Variants in USP34 observed in about 807,000 individuals in gnomAD.
USP34 encodes the protein ubiquitin carboxyl-terminal hydrolase 34.
A neutral mutation model predicts 460.3 loss-of-function variants in USP34; 70 were observed. The observed-to-expected ratio is 0.15, with a 90% CI of 0.13 to 0.19. The LOEUF (loss-of-function observed/expected upper bound fraction) is 0.19. Ranked by LOEUF, USP34 falls within the 10% of genes least tolerant of loss-of-function variation. USP34 has a pLI of 1.00. For missense variants in USP34, 3,985 were observed against 4,236.2 expected (o/e 0.94, Z 1.65); for synonymous variants, 1,647 against 1,405.3 (o/e 1.17, Z -3.85).
At chr2:61,231,966 A>G (rs1001817379) in intron 58 of USP34, among the ~76,000 whole-genome samples, 1 of 151,672 alleles carries the variant, frequency 6.6e-6, no homozygotes, top group Non-Finnish European at 1.5e-5. Context: ...TGATTTTGTG[A>G]AAAGTGACTA....
chr2:61,300,242 A>T (rs895066784), intron 29 of USP34, among the ~76,000 whole-genome samples: 2 of 152,078 alleles, frequency 1.3e-5, no homozygotes, highest in African/African-American at 4.8e-5. Flanking sequence ...ATGACGCAAA[A>T]GGTTTACATT....
intron 1 of USP34, among the ~76,000 whole-genome samples, chr2:61,462,195 G>C (rs1467263029): frequency 6.7e-6 from 1 of 149,730 alleles, no homozygotes; most frequent in Non-Finnish European, 1.5e-5. Flanking sequence ...GCCAAGATCA[G>C]GCCATCGCAC....
intron 1 of USP34, among the ~76,000 whole-genome samples, chr2:61,452,876 C>T (rs1367380289): frequency 1.5e-5 from 2 of 136,628 alleles, no homozygotes; most frequent in African/African-American, 2.8e-5. Context: ...AGAGACAGAC[C>T]AAGACACTAT....
intron 41 of USP34, among the ~76,000 whole-genome samples, chr2:61,272,316 C>T (rs368328227): frequency 1.8e-4 from 27 of 148,850 alleles, no homozygotes; most frequent in South Asian, 4.2e-4. Context: ...GAGGCTGCAG[C>T]GGGAGAATGG....
chr2:61,354,657 GAGT>G (rs1692052186), intron 10 of USP34, among the ~76,000 whole-genome samples: 1 of 152,158 alleles, frequency 6.6e-6, no homozygotes, highest in Non-Finnish European at 1.5e-5. Context: ...GAGCCGAAAA[GAGT>G]AGCTTTTTTT....
chr2:61,249,474 T>A (rs1572870629), intron 48 of USP34, among the ~76,000 whole-genome samples: 2 of 152,376 alleles, frequency 1.3e-5, no homozygotes, highest in Middle Eastern at 3.4e-3. Flanking sequence ...TGAAATTTTC[T>A]ATGTAATATT....
At chr2:61,293,772 T>C (rs979321884) in intron 32 of USP34, among the ~76,000 whole-genome samples, 4 of 152,156 alleles carry the variant, frequency 2.6e-5, no homozygotes, top group African/African-American at 9.7e-5. Context: ...CCTAGAACTT[T>C]GGGAGGCCAA....
chr2:61,350,793 C>A, intron 10 of USP34, 100 bp from the exon 11 acceptor site: 2 of 1,260,314 alleles, frequency 1.6e-6, no homozygotes, highest in South Asian at 1.7e-5. Context: ...TTGGCCAGTA[C>A]ACTAATATTT....
chr2:61,276,111 A>C (rs148771822), intron 41 of USP34, among the ~76,000 whole-genome samples: 163 of 152,338 alleles, frequency 1.1e-3, no homozygotes, highest in African/African-American at 3.8e-3. Context: ...TAACAAAGAA[A>C]TAAAACTAAA....
chr2:61,467,580 A>T (rs2104123368), intron 1 of USP34, among the ~76,000 whole-genome samples: 1 of 149,228 alleles, frequency 6.7e-6, no homozygotes, highest in South Asian at 2.1e-4. Flanking sequence ...GTATTTAAAG[A>T]TGAATTCTGA....
chr2:61,238,138 C>G (rs1206140326), intron 53 of USP34, among the ~76,000 whole-genome samples: 1 of 151,982 alleles, frequency 6.6e-6, no homozygotes, highest in Non-Finnish European at 1.5e-5. Context: ...TCAAGTGATC[C>G]ACCTGCCTCA....
chr2:61,313,127 T>A (rs905473867), intron 25 of USP34, among the ~76,000 whole-genome samples: 6 of 152,262 alleles, frequency 3.9e-5, no homozygotes, highest in Admixed American at 3.9e-4. Flanking sequence ...TTTATCCATA[T>A]CCTAGTTATT....
At chr2:61,394,531 C>A (rs958578461) in intron 5 of USP34, among the ~76,000 whole-genome samples, 19 of 76,770 alleles carry the variant, frequency 2.5e-4, no homozygotes, top group Middle Eastern at 7.2e-3. Flanking sequence ...GACCCTCTCT[C>A]TCAAAAAAAA....
intron 5 of USP34, among the ~76,000 whole-genome samples, chr2:61,386,601 C>T (rs1016973440): frequency 2.6e-5 from 4 of 151,902 alleles, no homozygotes; most frequent in Admixed American, 2.0e-4. Context: ...CCATCCTGGC[C>T]AACATGGTGA....
chr2:61,402,935 T>C (rs1220114830), intron 3 of USP34, among the ~76,000 whole-genome samples: 3 of 152,146 alleles, frequency 2.0e-5, no homozygotes, highest in African/African-American at 7.2e-5. Flanking sequence ...CAGTTGACCC[T>C]TACCGCATTT....
intron 62 of USP34, among the ~76,000 whole-genome samples, chr2:61,224,330 C>T (rs1226865498): frequency 1.3e-5 from 2 of 152,182 alleles, no homozygotes; most frequent in African/African-American, 2.4e-5. Context: ...GCTGTCTTAA[C>T]ATGTTTCTCT....
At chr2:61,272,428 A>G (rs1306641704) in intron 41 of USP34, among the ~76,000 whole-genome samples, 2 of 151,926 alleles carry the variant, frequency 1.3e-5, no homozygotes, top group Admixed American at 6.6e-5. Context: ...AAAAAAAAAA[A>G]AAATTAGGAG....
At chr2:61,364,065 T>A (rs754853350) in intron 10 of USP34, among the ~76,000 whole-genome samples, 1 of 152,138 alleles carries the variant, frequency 6.6e-6, no homozygotes, top group South Asian at 2.1e-4. Context: ...GGCAAACTCA[T>A]GGAGACAGAA....
intron 1 of USP34, among the ~76,000 whole-genome samples, chr2:61,434,035 C>A (rs1033089724): frequency 2.0e-5 from 3 of 152,168 alleles, no homozygotes; most frequent in South Asian, 2.1e-4. Context: ...GACAAACCTG[C>A]CCATAAGCCA....
Sources: allele counts gnomAD v4.1 joint callset (sites outside exome capture counted in the v4.1 genomes callset), GRCh38; gene constraint gnomAD v4.1.1; transcripts MANE v1.5; gene names NCBI Gene and HGNC (gene_info 2026-07-23, HGNC 2026-07-21).